The following MARCHF1 variants were observed in gnomAD, a reference collection of about 807,000 sequenced individuals.
The protein encoded by MARCHF1 is E3 ubiquitin-protein ligase MARCHF1.
A neutral mutation model predicts 54.2 loss-of-function variants in MARCHF1; 40 were observed. That is an observed-to-expected ratio of 0.74 (90% CI 0.57 to 0.96). MARCHF1 has a LOEUF of 0.96. Among genes scored for constraint, MARCHF1 ranks in the 40% least tolerant of loss-of-function variants. The pLI, the probability that MARCHF1 is intolerant of heterozygous loss-of-function variation, is 0.00. For missense variants in MARCHF1, 586 were observed against 656.5 expected, an observed-to-expected ratio of 0.89 and a Z score of 1.17; for synonymous variants, 236 against 236.3, an observed-to-expected ratio of 1.00 and a Z score of 0.01.
At chr4:164,240,151 C>T (rs985346267) in intron 1 of MARCHF1, among the ~76,000 whole-genome samples, 5 of 152,178 alleles carry the variant, frequency 3.3e-5, no homozygotes, top group African/African-American at 1.2e-4. Flanking sequence ...GATTCCAGTT[C>T]TAATGAGCCA....
At chr4:164,115,202 TA>T (rs2110746983) in intron 1 of MARCHF1, among the ~76,000 whole-genome samples, 1 of 152,008 alleles carries the variant, frequency 6.6e-6, no homozygotes, top group South Asian at 2.1e-4. Flanking sequence ...TCTTCAGGGA[TA>T]AAAAACATAA....
At chr4:163,532,361 G>T (rs1738382777) in intron 9 of MARCHF1, among the ~76,000 whole-genome samples, 1 of 151,856 alleles carries the variant, frequency 6.6e-6, no homozygotes, top group African/African-American at 2.4e-5. Context: ...ACAAATGGGT[G>T]CTGGTATAAC....
chr4:164,350,967 G>A (rs1346370655), intron 1 of MARCHF1, among the ~76,000 whole-genome samples: 1 of 152,058 alleles, frequency 6.6e-6, no homozygotes, highest in Non-Finnish European at 1.5e-5. Context: ...CAAGGGGTCA[G>A]GGAGTTCCCT....
At chr4:163,537,704 C>T (rs1443342484) in intron 9 of MARCHF1, among the ~76,000 whole-genome samples, 1 of 152,198 alleles carries the variant, frequency 6.6e-6, no homozygotes, top group African/African-American at 2.4e-5. Context: ...ATTAAAAGAG[C>T]AGGCATTCTC....
chr4:163,886,172 T>C (rs1174378050), intron 3 of MARCHF1, among the ~76,000 whole-genome samples: 1 of 150,112 alleles, frequency 6.7e-6, no homozygotes, highest in African/African-American at 2.4e-5. Flanking sequence ...TAGATCTATA[T>C]ATCTATAGAT....
intron 4 of MARCHF1, among the ~76,000 whole-genome samples, chr4:163,733,541 G>C (rs1745944971): frequency 6.6e-6 from 1 of 150,546 alleles, no homozygotes; most frequent in Non-Finnish European, 1.5e-5. Flanking sequence ...TGCCATGTTG[G>C]TGTGCTGCAC....
intron 3 of MARCHF1, among the ~76,000 whole-genome samples, chr4:163,896,470 A>T (rs1421327167): frequency 6.6e-6 from 1 of 152,244 alleles, no homozygotes; most frequent in Non-Finnish European, 1.5e-5. Context: ...GGGATTTCTC[A>T]GAATCTAATG....
chr4:163,999,799 C>T (rs1164713760), intron 2 of MARCHF1, among the ~76,000 whole-genome samples: 2 of 151,244 alleles, frequency 1.3e-5, no homozygotes, highest in South Asian at 2.1e-4. Context: ...AATTTGTTCC[C>T]CAACACAATC....
chr4:163,649,459 C>A (rs931771069), intron 5 of MARCHF1, among the ~76,000 whole-genome samples: 3 of 151,970 alleles, frequency 2.0e-5, no homozygotes, highest in African/African-American at 4.8e-5. Flanking sequence ...GTTTCCAAAT[C>A]TATCAACCAG....
At chr4:164,073,658 TAAAC>T (rs893533871) in intron 2 of MARCHF1, among the ~76,000 whole-genome samples, 35 of 152,048 alleles carry the variant, frequency 2.3e-4, no homozygotes, top group Non-Finnish European at 4.6e-4. Context: ...AATAAATAAA[TAAAC>T]AAACAGAATA....
At chr4:164,219,026 C>T (rs952952748) in intron 1 of MARCHF1, among the ~76,000 whole-genome samples, 1 of 151,962 alleles carries the variant, frequency 6.6e-6, no homozygotes, top group South Asian at 2.1e-4. Flanking sequence ...TTACTTTATT[C>T]CATTATTTCC....
intron 4 of MARCHF1, among the ~76,000 whole-genome samples, chr4:163,811,524 A>G (rs1748387971): frequency 6.6e-6 from 1 of 152,028 alleles, no homozygotes; most frequent in Non-Finnish European, 1.5e-5. Context: ...AGAAGGAAGG[A>G]AGGAAAGAAA....
At position 164,051,818 on chromosome 4, in the gene MARCHF1, G is replaced by C. The variant is rs117006090; in HGVS notation, c.-248+59770C>G. Among the ~76,000 whole-genome samples, 274 of 152,296 alleles carry C rather than the reference G, an allele frequency of 1.8e-3. 7 individuals carry two copies. The East Asian group carries it at 0.036, about 20-fold the overall frequency. ...TACAGAAGTCTTTAGAGTTAGCACAGAATAGATAGAGATTTAACCGGATTC... is the reference window on the plus strand; with the variant it reads ...TACAGAAGTCTTTAGAGTTAGCACACAATAGATAGAGATTTAACCGGATTC... On this transcript the variant is annotated intron_variant, in intron 2 of 9. Coordinates refer to ENST00000514618, the MANE Select transcript of MARCHF1 (RefSeq NM_001394959.1).
intron 4 of MARCHF1, among the ~76,000 whole-genome samples, chr4:163,766,079 A>G (rs12505111): frequency 0.31 from 46,271 of 151,418 alleles, 8,872 homozygotes; most frequent in Non-Finnish European, 0.44. Context: ...GTATGCAAGC[A>G]TAATAAAAGT....
intron 3 of MARCHF1, among the ~76,000 whole-genome samples, chr4:163,881,091 A>T (rs1376311922): frequency 2.6e-5 from 4 of 152,238 alleles, no homozygotes; most frequent in Non-Finnish European, 5.9e-5. Flanking sequence ...GCTGGAAATT[A>T]CCATAGCTTC....
chr4:164,375,699 A>T (rs181059138), intron 1 of MARCHF1, among the ~76,000 whole-genome samples: 1 of 152,332 alleles, frequency 6.6e-6, no homozygotes, highest in Non-Finnish European at 1.5e-5. Flanking sequence ...ACACACATGT[A>T]CAATTAATTC....
chr4:163,565,338 C>T (rs1000597463), intron 8 of MARCHF1, among the ~76,000 whole-genome samples: 1 of 152,056 alleles, frequency 6.6e-6, no homozygotes, highest in Non-Finnish European at 1.5e-5. Context: ...ACATATTTGA[C>T]CTTGTGTGTT....
chr4:163,551,876 T>C (rs899584513), intron 8 of MARCHF1, among the ~76,000 whole-genome samples: 2 of 152,210 alleles, frequency 1.3e-5, no homozygotes, highest in African/African-American at 2.4e-5. Flanking sequence ...CCCAGTCATG[T>C]GGAACTATGA....
chr4:164,021,859 A>G (rs1233163703), intron 2 of MARCHF1, among the ~76,000 whole-genome samples: 1 of 148,610 alleles, frequency 6.7e-6, no homozygotes, highest in East Asian at 2.0e-4. Context: ...CATGTCAAAA[A>G]AAAAAAATTA....
Sources: allele counts gnomAD v4.1 joint callset (sites outside exome capture counted in the v4.1 genomes callset), GRCh38; gene constraint gnomAD v4.1.1; transcripts MANE v1.5; gene names NCBI Gene and HGNC (gene_info 2026-07-23, HGNC 2026-07-21).